The following TP53BP2 variants were observed in gnomAD, a reference collection of about 807,000 sequenced individuals.
TP53BP2 encodes tumor protein p53 binding protein 2, also known as apoptosis-stimulating of p53 protein 2.
A neutral mutation model predicts 126.2 loss-of-function variants in TP53BP2; 62 were observed. That is an observed-to-expected ratio of 0.49 (90% CI 0.40 to 0.61). TP53BP2 has a LOEUF of 0.61. TP53BP2 is among the 20% of genes least tolerant of loss of function. The pLI is 0.00. For synonymous variants in TP53BP2, 485 were observed against 502.9 expected (o/e 0.96, Z 0.48); for missense variants, 1,215 against 1,402.8 (o/e 0.87, Z 2.14).
At chr1:223,829,430 A>G (rs1663618887) in intron 1 of TP53BP2, among the ~76,000 whole-genome samples, 1 of 152,252 alleles carries the variant, frequency 6.6e-6, no homozygotes, top group Admixed American at 6.5e-5. Context: ...TTCAACAAAC[A>G]GGCACAAATT....
chr1:223,788,755 A>G (rs1184073006), intron 16 of TP53BP2, among the ~76,000 whole-genome samples: 1 of 152,162 alleles, frequency 6.6e-6, no homozygotes, highest in Non-Finnish European at 1.5e-5. Flanking sequence ...TTTGATGGTC[A>G]AAGTCATTAA....
chr1:223,819,640 C>T lies in TP53BP2; in HGVS notation c.175+1580G>A, dbSNP rs184518395. On this transcript the variant is annotated intron_variant, in intron 2 of 17. Transcript: ENST00000343537. ...GGCAGAGCTTTCAGTGAGCCAAGAT[C>T]GCGCCACTGCACTCCAGCCTGGGCG... 4.4e-4 allele frequency among the ~76,000 whole-genome samples: 67 copies of T among 151,354 alleles called. 1 individual carries two copies. The highest frequency in any genetic ancestry group is 3.4e-3 in the Middle Eastern group (1 of 294).
chr1:223,845,665 T>G lies in TP53BP2; in HGVS notation c.16A>C (p.Lys6Gln), dbSNP rs777894204. MRFGS[K>Q]MMPMFLTVYL... Reference sequence around the variant, plus strand: ...GCTCGCCCACTTACCGGCATCATCTTGGACCCGAACCGCATGGAAGCGGGT... The same window carrying G: ...GCTCGCCCACTTACCGGCATCATCTGGGACCCGAACCGCATGGAAGCGGGT... Residue 6 changes from lysine to glutamine, a missense_variant, in exon 1 of 18, where the codon AAG (lysine) becomes CAG (glutamine). Lys to Gln is a moderately conservative substitution (Grantham distance 53). Around this residue, in one of 4 missense-constraint regions of TP53BP2, gnomAD observed 814 missense variants for 853.0 expected, o/e 0.95. Coordinates refer to ENST00000343537, the MANE Select transcript of TP53BP2 (RefSeq NM_001031685.3). 1.0e-5 allele frequency: 16 copies of G among 1,554,210 alleles called. No homozygotes were observed. The highest frequency in any genetic ancestry group is 1.3e-5 in the Non-Finnish European group (15 of 1,157,708).
At chr1:223,834,172 A>G (rs1663839062) in intron 1 of TP53BP2, among the ~76,000 whole-genome samples, 1 of 152,226 alleles carries the variant, frequency 6.6e-6, no homozygotes, top group Non-Finnish European at 1.5e-5. Context: ...TAGGTCAAGA[A>G]TAAGGAGTAC....
intron 16 of TP53BP2, among the ~76,000 whole-genome samples, chr1:223,787,191 C>T (rs1035234036): frequency 3.3e-5 from 5 of 152,088 alleles, no homozygotes; most frequent in African/African-American, 9.7e-5. Flanking sequence ...CCACCACACC[C>T]GGCCAACACA....
In TP53BP2 at chr1:223,802,134, C is replaced by T; in HGVS notation, c.1207G>A (p.Ala403Thr). 1 of 1,614,090 alleles carries T rather than the reference C, an allele frequency of 6.2e-7. No individual in the cohort carries two copies. Among genetic ancestry groups the T allele is most frequent in the East Asian group, 2.2e-5 (1 of 44,874 alleles). ...IQTLPNMRSGAASQTKGSKIH... is the reference protein window; with the variant it reads ...IQTLPNMRSGTASQTKGSKIH... ...TTTTTACCTTTAGTTTGTGAAGCAGCCCCAGATCTCATGTTGGGCAGTGTC... is the reference window on the plus strand; with the variant it reads ...TTTTTACCTTTAGTTTGTGAAGCAGTCCCAGATCTCATGTTGGGCAGTGTC... The change falls in exon 9 of 18, where the codon GCT becomes ACT. Residue 403 changes from alanine to threonine, a missense_variant. Around this residue, in one of 4 missense-constraint regions of TP53BP2, gnomAD observed 814 missense variants for 853.0 expected, o/e 0.95. Coordinates refer to ENST00000343537, the MANE Select transcript of TP53BP2 (RefSeq NM_001031685.3).
intron 2 of TP53BP2, among the ~76,000 whole-genome samples, chr1:223,815,664 G>A (rs1663060813): frequency 6.6e-6 from 1 of 152,210 alleles, no homozygotes; most frequent in South Asian, 2.1e-4. Context: ...TGCATAAGCT[G>A]AAACAGACAC....
intron 1 of TP53BP2, among the ~76,000 whole-genome samples, chr1:223,821,759 C>CT (rs1168223222): frequency 6.6e-6 from 1 of 152,140 alleles, no homozygotes; most frequent in East Asian, 1.9e-4. Context: ...TGCACAGTCT[C>CT]TTTTTTGGAA....
At chr1:223,836,934 T>C (rs1038848259) in intron 1 of TP53BP2, among the ~76,000 whole-genome samples, 21 of 152,014 alleles carry the variant, frequency 1.4e-4, no homozygotes, top group Non-Finnish European at 2.4e-4. Flanking sequence ...TTATCCAAAA[T>C]AGATACCCCC....
intron 4 of TP53BP2, among the ~76,000 whole-genome samples, chr1:223,809,336 G>A (rs1239678954): frequency 6.6e-6 from 1 of 152,162 alleles, no homozygotes; most frequent in Non-Finnish European, 1.5e-5. Context: ...GGAGGCAGAG[G>A]TGGGTGGATC....
At chr1:223,835,366 TAA>T (rs1663886571) in intron 1 of TP53BP2, among the ~76,000 whole-genome samples, 1 of 152,254 alleles carries the variant, frequency 6.6e-6, no homozygotes, top group African/African-American at 2.4e-5. Flanking sequence ...ATATCTGTCA[TAA>T]ACAATCAATG....
Position 223,796,633 on chromosome 1 carries a change from T to G in TP53BP2, c.1949-43A>C. 1.1e-5 allele frequency: 16 copies of G among 1,514,802 alleles called. No individual in the cohort carries two copies. Among genetic ancestry groups the G allele is most frequent in the Non-Finnish European group, 1.4e-5 (16 of 1,139,382 alleles). 93.8% of individuals were successfully genotyped at this position (1,514,802 alleles called of 1,614,324 possible). ...AAAAAAAGCCCTCATTAGCATTAAT[T>G]AAACAAAACTGGCAAGAAACAGAAA... On this transcript the variant is annotated intron_variant, in intron 12 of 17. Transcript: ENST00000343537. The surrounding 1 kb of genome is among the most constrained non-coding windows in gnomAD (Gnocchi z 4.2).
At chr1:223,837,896 T>G (rs1048752249) in intron 1 of TP53BP2, among the ~76,000 whole-genome samples, 1 of 152,120 alleles carries the variant, frequency 6.6e-6, no homozygotes, top group African/African-American at 2.4e-5. Flanking sequence ...CTTGTCACTC[T>G]GCCCTCTGCC....
chr1:223,837,101 C>T (rs1012381143), intron 1 of TP53BP2, among the ~76,000 whole-genome samples: 3 of 133,076 alleles, frequency 2.3e-5, no homozygotes, highest in East Asian at 2.2e-4. Flanking sequence ...CTAGGTCACT[C>T]GCTACTTTGT....
chr1:223,844,828 T>C (rs796703202), intron 1 of TP53BP2, among the ~76,000 whole-genome samples: 8 of 152,302 alleles, frequency 5.3e-5, no homozygotes, highest in African/African-American at 1.7e-4. Flanking sequence ...GCCACAAGCA[T>C]AGGATGCCTG....
At chr1:223,822,948 G>A (rs1192111138) in intron 1 of TP53BP2, among the ~76,000 whole-genome samples, 5 of 152,094 alleles carry the variant, frequency 3.3e-5, no homozygotes, top group South Asian at 2.1e-4. Flanking sequence ...ATTTGAAAGC[G>A]TTACCTCACA....
At position 223,800,047 on chromosome 1, in the gene TP53BP2, A is replaced by G; in HGVS notation, c.1337T>C (p.Val446Ala). 1 of 1,595,492 alleles carries G rather than the reference A, an allele frequency of 6.3e-7. No homozygotes were observed. The highest frequency in any genetic ancestry group is 8.5e-7 in the Non-Finnish European group (1 of 1,174,490). The change falls in exon 11 of 18, where the codon GTT becomes GCT. Residue 446 changes from valine to alanine, a missense_variant and splice_region_variant. Val to Ala is a moderately conservative substitution (Grantham distance 64, BLOSUM62 0). Around this residue, in one of 4 missense-constraint regions of TP53BP2, gnomAD observed 814 missense variants for 853.0 expected, o/e 0.95. Coordinates refer to ENST00000343537, the MANE Select transcript of TP53BP2 (RefSeq NM_001031685.3). The stretch of plus-strand genomic sequence containing the variant: ...CCTCAGCGGAACCTCTCCATCATCA[A>G]CTAAAGACAAAAAAATCACAATGAC... ...PQSTGNALDQ[V>A]DDGEVPLREK...
At chr1:223,793,271 C>A (rs1662211714) in intron 14 of TP53BP2, 32 bp downstream of exon 14, 12 of 1,192,710 alleles carry the variant, frequency 1.0e-5, no homozygotes, top group South Asian at 5.2e-5. Flanking sequence ...GACTCTGACT[C>A]AAAAAAAAAA....
At position 223,789,177 on chromosome 1, in the gene TP53BP2, G is replaced by C; in HGVS notation, c.2997-3C>G. 16 of 1,614,074 alleles carry C rather than the reference G, an allele frequency of 9.9e-6. No individual in the cohort carries two copies. The highest frequency in any genetic ancestry group is 1.4e-5 in the Non-Finnish European group (16 of 1,179,964). ...AGGCAGCACAATGTAATGGAGTCCT[G>C]TGAAGCAAGATACGAGGGCTAGAAC... On this transcript the variant is annotated splice_region_variant and splice_polypyrimidine_tract_variant and intron_variant, in intron 15 of 17. Transcript: ENST00000343537.
Sources: gnomAD v4.1 joint callset for allele counts (sites outside exome capture counted in the v4.1 genomes callset) on GRCh38, gnomAD v4.1.1 for gene constraint, gnomAD v4.1.1 regional missense constraint, Gnocchi (gnomAD v3.1) non-coding constraint, MANE v1.5 for transcripts, NCBI Gene and HGNC (gene_info 2026-07-23, HGNC 2026-07-21) for gene names.